Variants in NTM observed in about 807,000 individuals in gnomAD.
NTM encodes neurotrimin, also known as IgLON family member 2.
In NTM, 13 loss-of-function variants were observed where a neutral mutation model predicts 42.1. The ratio of observed to expected loss-of-function variants is 0.31; its 90% CI spans 0.20 to 0.49. The LOEUF is 0.49. Among genes scored for constraint, NTM ranks in the 20% least tolerant of loss-of-function variants. The pLI is 0.99. For missense variants in NTM, 373 were observed against 452.8 expected (o/e 0.82, Z 1.60); for synonymous variants, 187 against 179.2 (o/e 1.04, Z -0.35).
At chr11:131,821,215 A>G (rs111821799) in intron 1 of NTM, among the ~76,000 whole-genome samples, 5,581 of 152,216 alleles carry the variant, frequency 0.037, 323 homozygotes, top group African/African-American at 0.13. Flanking sequence ...GCTGTCAAGA[A>G]GCATTACCAT....
intron 1 of NTM, among the ~76,000 whole-genome samples, chr11:131,578,268 A>G (rs2058100560): frequency 6.6e-6 from 1 of 152,238 alleles, no homozygotes; most frequent in Admixed American, 6.5e-5. Flanking sequence ...GCAATATTTT[A>G]TAATTAGGTC....
chr11:131,883,161 T>C (rs1205146280), intron 1 of NTM, among the ~76,000 whole-genome samples: 1 of 152,238 alleles, frequency 6.6e-6, no homozygotes, highest in African/African-American at 2.4e-5. Flanking sequence ...TTGGGCTGTT[T>C]GCTACTTGTC....
intron 1 of NTM, among the ~76,000 whole-genome samples, chr11:131,845,773 A>G (rs1451444879): frequency 6.6e-6 from 1 of 152,110 alleles, no homozygotes; most frequent in African/African-American, 2.4e-5. Context: ...AAATAAAAGA[A>G]AAAAGACAAA....
In NTM at chr11:131,412,535, C is replaced by A. The variant is rs185096485; in HGVS notation, c.82+41647C>A. ...AGAATATTAAGACAAAACTGTCCTCCTCTCTCCTCCCCACCATATCAAATT... is the reference window on the plus strand; with the variant it reads ...AGAATATTAAGACAAAACTGTCCTCATCTCTCCTCCCCACCATATCAAATT... On this transcript the variant is annotated intron_variant, in intron 1 of 8. Coordinates refer to ENST00000683400, the MANE Select transcript of NTM (RefSeq NM_001352005.2). 2.0e-4 allele frequency among the ~76,000 whole-genome samples: 30 copies of A among 152,260 alleles called. 1 individual carries two copies. In the East Asian group the frequency reaches 5.6e-3, roughly 28 times the overall value.
chr11:131,510,023 T>G (rs2048026212), intron 1 of NTM, among the ~76,000 whole-genome samples: 1 of 152,006 alleles, frequency 6.6e-6, no homozygotes. Context: ...GTTTCCCACG[T>G]CTCTAGAGTT....
At chr11:131,995,544 G>A (rs897269621) in intron 2 of NTM, among the ~76,000 whole-genome samples, 11 of 152,124 alleles carry the variant, frequency 7.2e-5, no homozygotes, top group African/African-American at 2.7e-4. Flanking sequence ...AGGGGAGCAG[G>A]GCATGTGCCA....
At chr11:132,234,483 A>T (rs2088352976) in intron 4 of NTM, among the ~76,000 whole-genome samples, 1 of 152,104 alleles carries the variant, frequency 6.6e-6, no homozygotes, top group Non-Finnish European at 1.5e-5. Flanking sequence ...TCTCTGTAGC[A>T]AAAGTTTATT....
chr11:131,783,387 T>C (rs1280499599), intron 1 of NTM, among the ~76,000 whole-genome samples: 2 of 152,152 alleles, frequency 1.3e-5, no homozygotes, highest in Non-Finnish European at 2.9e-5. Flanking sequence ...AGTTTTAAGG[T>C]GTCAGTGCTT....
intron 1 of NTM, among the ~76,000 whole-genome samples, chr11:131,451,127 A>G (rs1275634326): frequency 2.6e-5 from 4 of 152,112 alleles, no homozygotes; most frequent in African/African-American, 9.7e-5. Flanking sequence ...CAGAATTAGA[A>G]AAAAAAAGGT....
At chr11:131,371,102 G>A (rs1340049902) in intron 1 of NTM, 2 of 985,218 alleles carry the variant, frequency 2.0e-6, no homozygotes, top group African/African-American at 3.5e-5. Flanking sequence ...ATATGTATGT[G>A]CATAAGTAAA....
intron 1 of NTM, chr11:131,794,592 A>T: frequency 3.0e-6 from 3 of 983,782 alleles, no homozygotes; most frequent in Non-Finnish European, 3.6e-6. Context: ...AAATGGCAAT[A>T]GACCGACACA....
At chr11:131,426,678 G>A (rs551418320) in intron 1 of NTM, among the ~76,000 whole-genome samples, 13 of 152,224 alleles carry the variant, frequency 8.5e-5, no homozygotes, top group East Asian at 3.9e-4. Flanking sequence ...TGCACTTGTC[G>A]GAAGGCCCAC....
Position 131,698,846 on chromosome 11 carries a change from T to A in NTM, c.83-212718T>A, listed in dbSNP as rs1031406601. On this transcript the variant is annotated intron_variant, in intron 1 of 8. Transcript: ENST00000683400. The stretch of plus-strand genomic sequence containing the variant: ...TGAGGGATATCTGAGAGAAAGCCTA[T>A]GTGTCCTTTCCATAAAGCGTACCTT... Among the ~76,000 whole-genome samples the A allele has an allele frequency of 7.2e-5, 11 of 152,230 alleles. No homozygotes were observed. The East Asian group carries it at 2.1e-3, about 29-fold the overall frequency.
At chr11:131,401,912 T>C (rs1362338047) in intron 1 of NTM, among the ~76,000 whole-genome samples, 1 of 142,620 alleles carries the variant, frequency 7.0e-6, no homozygotes, top group Non-Finnish European at 1.5e-5. Flanking sequence ...TTATGACTAA[T>C]GGCCATTCCT....
At chr11:131,811,039 C>T (rs1007203232) in intron 1 of NTM, among the ~76,000 whole-genome samples, 1 of 152,212 alleles carries the variant, frequency 6.6e-6, no homozygotes, top group Non-Finnish European at 1.5e-5. Flanking sequence ...AGATTCAAAG[C>T]TACATTTATA....
At chr11:131,949,975 C>T (rs1182587369) in intron 2 of NTM, among the ~76,000 whole-genome samples, 1 of 152,110 alleles carries the variant, frequency 6.6e-6, no homozygotes, top group Non-Finnish European at 1.5e-5. Context: ...TTTTCCTTAC[C>T]AAAATGAAGG....
chr11:132,075,433 T>C (rs1295937800), intron 2 of NTM, among the ~76,000 whole-genome samples: 6 of 152,218 alleles, frequency 3.9e-5, no homozygotes, highest in Non-Finnish European at 7.4e-5. Context: ...AAGTCCTACA[T>C]ACATTTGCTC....
chr11:131,874,509 A>G (rs1016663693), intron 1 of NTM, among the ~76,000 whole-genome samples: 1 of 152,192 alleles, frequency 6.6e-6, no homozygotes, highest in African/African-American at 2.4e-5. Flanking sequence ...TTTATATTTC[A>G]ATTGACTAAG....
intron 3 of NTM, among the ~76,000 whole-genome samples, chr11:132,166,344 A>G (rs2075279013): frequency 6.6e-6 from 1 of 152,186 alleles, no homozygotes; most frequent in Non-Finnish European, 1.5e-5. Flanking sequence ...AGTCTGTTGC[A>G]GAAACCTCAC....
Sources: allele counts gnomAD v4.1 joint callset (sites outside exome capture counted in the v4.1 genomes callset), GRCh38; gene constraint gnomAD v4.1.1; transcripts MANE v1.5; gene names NCBI Gene and HGNC (gene_info 2026-07-23, HGNC 2026-07-21).